The following FRMD4B variants were observed in gnomAD, a reference collection of about 807,000 sequenced individuals.
The protein encoded by FRMD4B is FERM domain-containing protein 4B.
A neutral mutation model predicts 141.5 loss-of-function variants in FRMD4B; 74 were observed. That is an observed-to-expected ratio of 0.52 (90% confidence interval 0.43 to 0.63). The LOEUF is 0.63. Among genes scored for constraint, FRMD4B ranks in the 30% least tolerant of loss-of-function variants. The pLI, the probability that FRMD4B is intolerant of heterozygous loss-of-function variation, is 0.00. For missense variants in FRMD4B, 1,366 were observed against 1,253.4 expected, an observed-to-expected ratio of 1.09 and a Z score of -1.36; for synonymous variants, 506 against 467.9, an observed-to-expected ratio of 1.08 and a Z score of -1.05.
chr3:69,431,733 G>A (rs1167117259), intron 2 of FRMD4B, among the ~76,000 whole-genome samples: 1 of 152,176 alleles, frequency 6.6e-6, no homozygotes, highest in Non-Finnish European at 1.5e-5. Flanking sequence ...CTCCAGAGTC[G>A]ACGTCCTTGA....
intron 19 of FRMD4B, among the ~76,000 whole-genome samples, chr3:69,184,036 C>G (rs1205369088): frequency 6.6e-6 from 1 of 152,118 alleles, no homozygotes; most frequent in African/African-American, 2.4e-5. Context: ...GCTGGAATTA[C>G]AGGTGTACAC....
At chr3:69,475,016 T>C (rs945062283) in intron 1 of FRMD4B, among the ~76,000 whole-genome samples, 3 of 152,092 alleles carry the variant, frequency 2.0e-5, no homozygotes, top group South Asian at 2.1e-4. Context: ...TTGCTGTTGG[T>C]TCCCAAATTA....
At chr3:69,505,136 G>A (rs913505759) in intron 1 of FRMD4B, among the ~76,000 whole-genome samples, 1 of 152,142 alleles carries the variant, frequency 6.6e-6, no homozygotes, top group Non-Finnish European at 1.5e-5. Context: ...TTGGGAGGCT[G>A]AGACCAGAGG....
At chr3:69,495,871 T>G (rs1706375899) in intron 1 of FRMD4B, among the ~76,000 whole-genome samples, 1 of 151,594 alleles carries the variant, frequency 6.6e-6, no homozygotes, top group African/African-American at 2.4e-5. Flanking sequence ...TCATTTTATC[T>G]AAAATTTACT....
At chr3:69,371,118 C>A (rs1575771396) in intron 1 of FRMD4B, among the ~76,000 whole-genome samples, 1 of 102,888 alleles carries the variant, frequency 9.7e-6, no homozygotes, top group Non-Finnish European at 2.0e-5. Flanking sequence ...GGAGTCACCT[C>A]CCTGGTTGGG....
rs2092579596 is a variant in FRMD4B, at chr3:69,170,880, A to G, written c.*981T>C. Reference sequence around the variant, plus strand: ...CTACTTGTGGAATCCAGACTTGTTTAATTTTCTAACGTTCACCATTTTAAG... The same window carrying G: ...CTACTTGTGGAATCCAGACTTGTTTGATTTTCTAACGTTCACCATTTTAAG... On this transcript the variant is annotated 3_prime_UTR_variant, in exon 23 of 23. Coordinates refer to ENST00000398540, the MANE Select transcript of FRMD4B (RefSeq NM_015123.3). 1 of 152,080 alleles carries G rather than the reference A, an allele frequency of 6.6e-6. No individual in the cohort carries two copies. Among genetic ancestry groups the G allele is most frequent in the Non-Finnish European group, 1.5e-5 (1 of 68,000 alleles). The allele number at this position is 152,080 out of a possible 1,614,324, so 9.4% of individuals were successfully genotyped here. A position where few individuals can be genotyped will look rare whatever the true frequency, so the allele number is the denominator to read the frequency against.
intron 1 of FRMD4B, among the ~76,000 whole-genome samples, chr3:69,531,535 C>T (rs1498841): frequency 0.23 from 35,344 of 152,130 alleles, 4,325 homozygotes; most frequent in African/African-American, 0.29. Context: ...CTTGACAACA[C>T]TATGTAAATG....
At chr3:69,367,189 A>C (rs1352122001) in intron 1 of FRMD4B, among the ~76,000 whole-genome samples, 1 of 152,230 alleles carries the variant, frequency 6.6e-6, no homozygotes, top group Non-Finnish European at 1.5e-5. Flanking sequence ...TGGTCTACAC[A>C]AGAGCCTGGA....
At chr3:69,213,520 C>T (rs1408208630) in intron 11 of FRMD4B, among the ~76,000 whole-genome samples, 1 of 152,012 alleles carries the variant, frequency 6.6e-6, no homozygotes, top group Non-Finnish European at 1.5e-5. Context: ...TACTTATACT[C>T]CTCCTGGAAA....
At position 69,287,845 on chromosome 3, in the gene FRMD4B, CA is replaced by C. The variant is rs1559780649; in HGVS notation, c.417-10del. The C allele has an allele frequency of 7.2e-7, 1 of 1,395,906 alleles. No homozygotes were observed. The highest frequency in any genetic ancestry group is 1.2e-5 in the South Asian group (1 of 81,986). 86.5% of individuals were successfully genotyped at this position (1,395,906 alleles called of 1,614,324 possible). A position where few individuals can be genotyped will look rare whatever the true frequency, so the allele number is the denominator to read the frequency against. On this transcript the variant is annotated splice_polypyrimidine_tract_variant and intron_variant, in intron 4 of 22. Coordinates refer to ENST00000398540, the MANE Select transcript of FRMD4B (RefSeq NM_015123.3). ...TGCTCTCAATGTAAAACCTGAAAAA[CA>C]GCAGAGGAGTTTGTTCCTTCAGATT...
At chr3:69,371,291 C>T (rs1389470502) in intron 1 of FRMD4B, among the ~76,000 whole-genome samples, 2 of 152,134 alleles carry the variant, frequency 1.3e-5, no homozygotes, top group Non-Finnish European at 2.9e-5. Flanking sequence ...GCTGGAGAAG[C>T]GTTAAAGAGG....
intron 7 of FRMD4B, among the ~76,000 whole-genome samples, chr3:69,243,092 TTC>T (rs1228961070): frequency 1.3e-5 from 2 of 151,694 alleles, no homozygotes; most frequent in Non-Finnish European, 2.9e-5. Context: ...CTTTCAGGAA[TTC>T]TCTGTTTGTC....
At chr3:69,190,917 T>G (rs1195131374) in intron 17 of FRMD4B, among the ~76,000 whole-genome samples, 5 of 152,192 alleles carry the variant, frequency 3.3e-5, no homozygotes, top group Admixed American at 1.3e-4. Context: ...ATCACCTGGC[T>G]CAATCCCACA....
chr3:69,516,218 C>A (rs1041000615), intron 1 of FRMD4B, among the ~76,000 whole-genome samples: 2 of 151,588 alleles, frequency 1.3e-5, no homozygotes, highest in South Asian at 2.1e-4. Context: ...CAGCAAGACC[C>A]TATCTCTAAA....
chr3:69,435,049 C>A (rs1705238865), intron 1 of FRMD4B, among the ~76,000 whole-genome samples: 1 of 152,130 alleles, frequency 6.6e-6, no homozygotes, highest in Non-Finnish European at 1.5e-5. Context: ...AGACACCAGT[C>A]ACATTGTATT....
At chr3:69,463,030 C>T (rs1436731861) in intron 1 of FRMD4B, among the ~76,000 whole-genome samples, 1 of 152,206 alleles carries the variant, frequency 6.6e-6, no homozygotes, top group Non-Finnish European at 1.5e-5. Context: ...ATTGCACTCC[C>T]CAATAAAGTG....
chr3:69,225,491 C>T lies in FRMD4B; in HGVS notation c.582-801G>A, dbSNP rs577097206. ...GAGATTGAGACCATCCTGGCTAACACGGTGAAACCCTGTATCTACTAAAAA... is the reference window on the plus strand; with the variant it reads ...GAGATTGAGACCATCCTGGCTAACATGGTGAAACCCTGTATCTACTAAAAA... On this transcript the variant is annotated intron_variant, in intron 7 of 22. Coordinates refer to ENST00000398540, the MANE Select transcript of FRMD4B (RefSeq NM_015123.3). Among the ~76,000 whole-genome samples, 41 of 120,192 alleles carry T rather than the reference C, an allele frequency of 3.4e-4. No individual in the cohort carries two copies. The East Asian group carries it at 8.3e-3, about 24-fold the overall frequency. The allele number at this position is 120,192 out of a possible 152,430, so 78.9% of individuals were successfully genotyped here.
At position 69,180,979 on chromosome 3, in the gene FRMD4B, C is replaced by T; in HGVS notation, c.2771G>A (p.Arg924Lys). Residue 924 changes from arginine to lysine, a missense_variant, in exon 21 of 23, where the codon AGG becomes AAG. Coordinates refer to ENST00000398540, the MANE Select transcript of FRMD4B (RefSeq NM_015123.3). ...HSPQTSFDSD[R>K]GSQRCLGFAG... Reference sequence around the variant, plus strand: ...AAACCCCAGGCATCTCTGTGATCCCCTGTCTGAGTCAAAGCTGGTCTGCGG... The same window carrying T: ...AAACCCCAGGCATCTCTGTGATCCCTTGTCTGAGTCAAAGCTGGTCTGCGG... 1 of 1,614,016 alleles carries T rather than the reference C, an allele frequency of 6.2e-7. No individual in the cohort carries two copies. Among genetic ancestry groups the T allele is most frequent in the Non-Finnish European group, 8.5e-7 (1 of 1,179,866 alleles).
chr3:69,171,766 G>T lies in FRMD4B; in HGVS notation c.*95C>A. 7.9e-7 allele frequency: 1 copy of T among 1,262,994 alleles called. No homozygotes were observed. Among genetic ancestry groups the T allele is most frequent in the Non-Finnish European group, 1.1e-6 (1 of 884,724 alleles). The allele number at this position is 1,262,994 out of a possible 1,614,324, so 78.2% of individuals were successfully genotyped here. ...TCTCTTCAACCTTTGATGTCTTTAG[G>T]TTTCTAAAACGAACATCCTCTCGGA... On this transcript the variant is annotated 3_prime_UTR_variant, in exon 23 of 23. Transcript: ENST00000398540.
Sources: gnomAD v4.1 joint callset for allele counts (sites outside exome capture counted in the v4.1 genomes callset) on GRCh38, gnomAD v4.1.1 for gene constraint, MANE v1.5 for transcripts, NCBI Gene and HGNC (gene_info 2026-07-23, HGNC 2026-07-21) for gene names.